The following CHL1 variants were observed in gnomAD, a reference collection of about 807,000 sequenced individuals.
CHL1 encodes cell adhesion molecule L1 like.
In CHL1, 96 loss-of-function variants were observed where a neutral mutation model predicts 141.9. That is an observed-to-expected ratio of 0.68 (90% CI 0.57 to 0.80). CHL1 has a LOEUF of 0.80. Ranked by LOEUF, CHL1 falls within the 30% of genes least tolerant of loss-of-function variation. The pLI is 0.00. For synonymous variants in CHL1, 613 were observed against 502.2 expected (o/e 1.22, Z -2.95); for missense variants, 1,820 against 1,457.2 (o/e 1.25, Z -4.05).
intron 1 of CHL1, among the ~76,000 whole-genome samples, chr3:226,374 T>TCATATA (rs1553577519): frequency 6.9e-6 from 1 of 144,304 alleles, no homozygotes; most frequent in Non-Finnish European, 1.5e-5. Context: ...ATAGAATATT[T>TCATATA]TATATATATA....
rs1205010087 is a variant in CHL1, at chr3:258,459, T to G, written c.-95+13767T>G. Among the ~76,000 whole-genome samples the G allele has an allele frequency of 2.6e-5, 4 of 152,166 alleles. No individual in the cohort carries two copies. In the East Asian group the frequency reaches 7.7e-4, roughly 29 times the overall value. Reference sequence around the variant, plus strand: ...TGTTTGTAGGAGCCTCAAATCTCTCTCTCAAGAATTTTCATTTGTTTTCCC... The same window carrying G: ...TGTTTGTAGGAGCCTCAAATCTCTCGCTCAAGAATTTTCATTTGTTTTCCC... On this transcript the variant is annotated intron_variant, in intron 2 of 27. Transcript: ENST00000256509.
At chr3:394,074 G>T (rs1393686650) in intron 23 of CHL1, among the ~76,000 whole-genome samples, 1 of 151,946 alleles carries the variant, frequency 6.6e-6, no homozygotes, top group African/African-American at 2.4e-5. Flanking sequence ...GTCTTTGCTG[G>T]GTTCCAAATT....
intron 1 of CHL1, among the ~76,000 whole-genome samples, chr3:198,791 T>C (rs899882058): frequency 6.6e-6 from 1 of 152,210 alleles, no homozygotes; most frequent in Non-Finnish European, 1.5e-5. Context: ...CGTTTTCTAA[T>C]TTTGGAGAAT....
intron 2 of CHL1, among the ~76,000 whole-genome samples, chr3:251,765 A>G (rs961060364): frequency 2.0e-5 from 3 of 152,074 alleles, no homozygotes; most frequent in Admixed American, 1.3e-4. Flanking sequence ...GATTTTACTT[A>G]TATTTCTTTA....
At chr3:203,378 A>G (rs1699125665) in intron 1 of CHL1, among the ~76,000 whole-genome samples, 2 of 152,274 alleles carry the variant, frequency 1.3e-5, no homozygotes, top group African/African-American at 4.8e-5. Context: ...AGGTGGCAGA[A>G]TGCCACAGGT....
chr3:390,745 A>T lies in CHL1; in HGVS notation c.2515A>T (p.Ser839Cys). The T allele has an allele frequency of 6.2e-7, 1 of 1,611,374 alleles. No homozygotes were observed. Among genetic ancestry groups the T allele is most frequent in the Non-Finnish European group, 8.5e-7 (1 of 1,177,492 alleles). The change falls in exon 21 of 28, where the codon AGT becomes TGT. Residue 839 changes from serine (S) to cysteine (C), a missense_variant. Physicochemically the swap from Ser to Cys is moderately radical, Grantham distance 112 (BLOSUM62 -1). Coordinates refer to ENST00000256509, the MANE Select transcript of CHL1 (RefSeq NM_006614.4). ...PVIHGVDVIN[S>C]TLVKVTWSTV... ...GATCCATGGGGTGGACGTTATAAACAGTACATTAGTTAAAGTTACCTGGTC... is the reference window on the plus strand; with the variant it reads ...GATCCATGGGGTGGACGTTATAAACTGTACATTAGTTAAAGTTACCTGGTC...
chr3:303,306 A>G (rs1435441646), intron 2 of CHL1, among the ~76,000 whole-genome samples: 1 of 135,366 alleles, frequency 7.4e-6, no homozygotes, highest in Admixed American at 7.2e-5. Context: ...TGATGGGGAT[A>G]GCATTGAATC....
chr3:211,710 T>C (rs1465015661), intron 1 of CHL1, among the ~76,000 whole-genome samples: 1 of 152,224 alleles, frequency 6.6e-6, no homozygotes, highest in Non-Finnish European at 1.5e-5. Flanking sequence ...CACCGTAGTT[T>C]TCATATTTCA....
At chr3:325,560 T>C (rs1413079922) in intron 3 of CHL1, among the ~76,000 whole-genome samples, 4 of 152,058 alleles carry the variant, frequency 2.6e-5, no homozygotes, top group Admixed American at 2.0e-4. Context: ...TTATAATGTG[T>C]TTATAGAAAC....
At chr3:318,106 TA>T (rs1700282226) in intron 2 of CHL1, among the ~76,000 whole-genome samples, 1 of 151,846 alleles carries the variant, frequency 6.6e-6, no homozygotes, top group African/African-American at 2.4e-5. Flanking sequence ...GGGAGGGTAG[TA>T]TTTTCTTTTA....
chr3:361,330 AAC>A (rs1477346900), intron 12 of CHL1, among the ~76,000 whole-genome samples: 1 of 138,854 alleles, frequency 7.2e-6, no homozygotes, highest in African/African-American at 2.6e-5. Flanking sequence ...TCATGTCTAA[AAC>A]ACCAGAAGCA....
intron 18 of CHL1, 30 bp downstream of exon 18, chr3:382,701 CA>C: frequency 6.3e-7 from 1 of 1,581,294 alleles, no homozygotes; most frequent in Non-Finnish European, 8.7e-7. Context: ...AGGTTTCTAA[CA>C]AAATATTTGT....
In CHL1 at chr3:231,971, G is replaced by T. The variant is rs954993733; in HGVS notation, c.-174-12642G>T. ...CAATATAAATTTTATTTTAATGAATGGTTTCCAACATTTTGACTCTCCTCA... is the reference window on the plus strand; with the variant it reads ...CAATATAAATTTTATTTTAATGAATTGTTTCCAACATTTTGACTCTCCTCA... On this transcript the variant is annotated intron_variant, in intron 1 of 27. Coordinates refer to ENST00000256509, the MANE Select transcript of CHL1 (RefSeq NM_006614.4). Among the ~76,000 whole-genome samples, 3 of 152,082 alleles carry T rather than the reference G, an allele frequency of 2.0e-5. No homozygotes were observed. The East Asian group carries it at 5.8e-4, about 29-fold the overall frequency.
intron 5 of CHL1, among the ~76,000 whole-genome samples, chr3:331,656 A>G (rs1701448560): frequency 6.6e-6 from 1 of 152,330 alleles, no homozygotes; most frequent in Non-Finnish European, 1.5e-5. Flanking sequence ...AAGAAAGTAC[A>G]AACAAAAATA....
In CHL1 at chr3:349,484, G is replaced by T. The variant is rs201671256; in HGVS notation, c.974G>T (p.Arg325Leu). ...NVSYQDKGNY[R>L]CTASNFLGTA... is the part of the protein sequence containing the mutation. ...TCCTACCAGGACAAAGGAAATTATC[G>T]CTGCACAGCCAGCAATTTCTTGGGA... is the stretch of plus-strand genomic sequence containing the variant. The change falls in exon 10 of 28, where the codon CGC becomes CTC. Residue 325 changes from arginine to leucine, a missense_variant. By Grantham distance (102) the Arg-to-Leu change is moderately radical. Transcript: ENST00000256509. The T allele has an allele frequency of 3.7e-6, 6 of 1,613,932 alleles. No individual in the cohort carries two copies. The highest frequency in any genetic ancestry group is 4.5e-5 in the East Asian group (2 of 44,872).
intron 2 of CHL1, among the ~76,000 whole-genome samples, chr3:257,371 T>G (rs1694270528): frequency 6.8e-6 from 1 of 146,340 alleles, no homozygotes. Context: ...TTTTTTTTTG[T>G]GAGACAGAGT....
At position 367,543 on chromosome 3, in the gene CHL1, A is replaced by G. The variant is rs142232139; in HGVS notation, c.1751+1428A>G. On this transcript the variant is annotated intron_variant, in intron 15 of 27. Coordinates refer to ENST00000256509, the MANE Select transcript of CHL1 (RefSeq NM_006614.4). ...AGGGTTAACAATACCAAGTACTTAGAAAACATTAACATACAGAGCACTTAG... is the reference window on the plus strand; with the variant it reads ...AGGGTTAACAATACCAAGTACTTAGGAAACATTAACATACAGAGCACTTAG... 2.6e-3 allele frequency among the ~76,000 whole-genome samples: 390 copies of G among 152,382 alleles called. 2 individuals are homozygous for G. The highest frequency in any genetic ancestry group is 8.5e-3 in the African/African-American group (352 of 41,596).
rs372239434 is a variant in CHL1 at position 387,079 on chromosome 3, G to A, written c.2248-2173G>A. On this transcript the variant is annotated intron_variant, in intron 19 of 27. Coordinates refer to ENST00000256509, the MANE Select transcript of CHL1 (RefSeq NM_006614.4). ...TTAAAAAATGGAATCAAGGCAGGAC[G>A]GCAGTCTTTCTGTTTTCTAGATTAA... 1.2e-4 allele frequency among the ~76,000 whole-genome samples: 18 copies of A among 152,230 alleles called. No homozygotes were observed. In the East Asian group the frequency reaches 3.1e-3, roughly 26 times the overall value.
At chr3:330,891 A>G (rs35369595) in intron 5 of CHL1, among the ~76,000 whole-genome samples, 16,925 of 152,164 alleles carry the variant, frequency 0.11, 1,242 homozygotes, top group East Asian at 0.36. Flanking sequence ...ATAGCATAGT[A>G]AACCCAGAAA....
Sources: allele counts gnomAD v4.1 joint callset (sites outside exome capture counted in the v4.1 genomes callset), GRCh38; gene constraint gnomAD v4.1.1; transcripts MANE v1.5; gene names NCBI Gene and HGNC (gene_info 2026-07-23, HGNC 2026-07-21).